The following POLN variants were observed in gnomAD, a reference collection of about 807,000 sequenced individuals.
POLN encodes the protein DNA polymerase N.
Under a neutral mutation model 113.5 loss-of-function variants are expected in POLN, and 108 were observed. That is an observed-to-expected ratio of 0.95 (90% confidence interval 0.81 to 1.12). The LOEUF is 1.12. Ranked by LOEUF, POLN falls within the 50% of genes most tolerant of loss-of-function variation. POLN has a pLI of 0.00. For missense variants in POLN, 1,097 were observed against 1,077.1 expected, an observed-to-expected ratio of 1.02 and a Z score of -0.26; for synonymous variants, 386 against 391.5, an observed-to-expected ratio of 0.99 and a Z score of 0.17.
chr4:2,135,895 G>A (rs1731845714), intron 16 of POLN, among the ~76,000 whole-genome samples: 1 of 152,220 alleles, frequency 6.6e-6, no homozygotes, highest in South Asian at 2.1e-4. Flanking sequence ...ATCACTACCT[G>A]CAGGCATCCT....
At chr4:2,125,123 A>G (rs530540566) in intron 19 of POLN, among the ~76,000 whole-genome samples, 18 of 152,308 alleles carry the variant, frequency 1.2e-4, no homozygotes, top group South Asian at 8.3e-4. Flanking sequence ...ATGCTAGAGT[A>G]AAAATGGAAA....
rs746392530 is a variant in POLN, at chr4:2,085,742, T to A, written c.2068A>T (p.Lys690Ter). Residue 690 changes from lysine (K) to a stop codon, truncating the protein, a stop_gained and splice_region_variant, in exon 21 of 26, where the codon AAG becomes TAG. Coordinates refer to ENST00000511885, the MANE Select transcript of POLN (RefSeq NM_181808.4). LOFTEE classifies it high-confidence loss of function. ...CCAAGGCAAGCAGCCAGCCGCTCCT[T>A]CCCTGTCAGTCAGAGAGACGCATGT... ...VVYAVVYGAG[K>*]ERLAACLGVP... 1 of 1,613,580 alleles carries A rather than the reference T, an allele frequency of 6.2e-7. No homozygotes were observed. Among genetic ancestry groups the A allele is most frequent in the South Asian group, 1.1e-5 (1 of 91,076 alleles).
chr4:2,212,055 A>T (rs968793300), intron 4 of POLN, among the ~76,000 whole-genome samples: 5 of 152,118 alleles, frequency 3.3e-5, no homozygotes, highest in Non-Finnish European at 2.9e-5. Flanking sequence ...CCATCAACCC[A>T]AGAGACAGGT....
At chr4:2,162,270 G>A (rs1388373427) in intron 13 of POLN, among the ~76,000 whole-genome samples, 1 of 152,028 alleles carries the variant, frequency 6.6e-6, no homozygotes, top group Non-Finnish European at 1.5e-5. Flanking sequence ...CCAGCCCACT[G>A]GGAGGAATGA....
chr4:2,200,676 A>C (rs546047732), intron 5 of POLN, among the ~76,000 whole-genome samples: 56 of 152,314 alleles, frequency 3.7e-4, no homozygotes, highest in African/African-American at 1.3e-3. Flanking sequence ...AGAGGACTAC[A>C]TCAAGGGAAC....
At position 2,201,613 on chromosome 4, in the gene POLN, T is replaced by G. The variant is rs541710304; in HGVS notation, c.715-2896A>C. Among the ~76,000 whole-genome samples, 318 of 152,072 alleles carry G rather than the reference T, an allele frequency of 2.1e-3. 2 individuals carry two copies. The highest frequency in any genetic ancestry group is 7.4e-3 in the African/African-American group (308 of 41,478). Reference sequence around the variant, plus strand: ...GAGGAAGAAGAGAAATCTAAAAAATTTGGAAAACATATTTGGGGGAATAAT... The same window carrying G: ...GAGGAAGAAGAGAAATCTAAAAAATGTGGAAAACATATTTGGGGGAATAAT... On this transcript the variant is annotated intron_variant, in intron 5 of 25. Transcript: ENST00000511885.
At chr4:2,095,777 C>T (rs1730774346) in intron 20 of POLN, 74 bp downstream of exon 20, 1 of 1,342,090 alleles carries the variant, frequency 7.5e-7, no homozygotes, top group African/African-American at 1.4e-5. Context: ...GAGGCACAGC[C>T]ACATTTAAAC....
At chr4:2,129,145 A>G in intron 18 of POLN, 34 bp downstream of exon 18, 4 of 1,488,496 alleles carry the variant, frequency 2.7e-6, no homozygotes, top group Non-Finnish European at 3.7e-6. Context: ...TTTGAACCCT[A>G]TGAAAATGCA....
At chr4:2,155,039 G>A (rs983658563) in intron 16 of POLN, among the ~76,000 whole-genome samples, 1 of 152,170 alleles carries the variant, frequency 6.6e-6, no homozygotes, top group Non-Finnish European at 1.5e-5. Context: ...ATAAAACACA[G>A]CAAGAGATTT....
At position 2,171,174 on chromosome 4, in the gene POLN, A is replaced by G. The variant is rs186417505; in HGVS notation, c.1382T>C (p.Leu461Pro). 1.2e-6 allele frequency: 2 copies of G among 1,612,762 alleles called. No individual in the cohort carries two copies. Among genetic ancestry groups the G allele is most frequent in the Non-Finnish European group, 1.7e-6 (2 of 1,179,354 alleles). Residue 461 changes from leucine (L) to proline (P), a missense_variant, in exon 12 of 26, where the codon CTC becomes CCC. Leu to Pro is a moderately conservative substitution (Grantham distance 98). Coordinates refer to ENST00000511885, the MANE Select transcript of POLN (RefSeq NM_181808.4). ...ATGAGCTTCTTGCTCCAATTCCTTG[A>G]GACGAGCCTGAAAATATGATACACA... ...EKTSALLGAR[L>P]KELEQEAHFV...
At chr4:2,229,883 CA>C (rs1734519700) in intron 2 of POLN, 1 of 152,074 alleles carries the variant, frequency 6.6e-6, no homozygotes, top group Admixed American at 6.5e-5. Context: ...CCTAGTAACA[CA>C]ACGATTATAA....
In POLN at chr4:2,157,905, T is replaced by C. The variant is rs767062218; in HGVS notation, c.1618A>G (p.Lys540Glu). 1 of 1,605,376 alleles carries C rather than the reference T, an allele frequency of 6.2e-7. No homozygotes were observed. The highest frequency in any genetic ancestry group is 8.5e-7 in the Non-Finnish European group (1 of 1,173,570). Residue 540 changes from lysine to glutamate, a missense_variant, in exon 15 of 26, where the codon AAG becomes GAG. Coordinates refer to ENST00000511885, the MANE Select transcript of POLN (RefSeq NM_181808.4). ...KIILEYRQVH[K>E]IKSTFVDGLL... is the part of the protein sequence containing the mutation. ...CCATCTACAAAGGTTGACTTGATCT[T>C]GTGAACCTAAGGTGGAAAGACAAGA...
intron 9 of POLN, among the ~76,000 whole-genome samples, chr4:2,175,089 GC>G (rs1440296531): frequency 1.3e-5 from 2 of 152,150 alleles, no homozygotes; most frequent in African/African-American, 4.8e-5. Context: ...CTCCCGAAGT[GC>G]TGGGATTACA....
At chr4:2,227,038 C>T (rs1000152275) in intron 3 of POLN, among the ~76,000 whole-genome samples, 3 of 152,194 alleles carry the variant, frequency 2.0e-5, no homozygotes, top group Non-Finnish European at 2.9e-5. Context: ...ATCCCTGCCT[C>T]TTGGTATCAT....
In POLN at chr4:2,210,627, T is replaced by A. The variant is rs28797811; in HGVS notation, c.214-2140A>T. Among the ~76,000 whole-genome samples, 443 of 110,076 alleles carry A rather than the reference T, an allele frequency of 4.0e-3. 6 individuals carry two copies. The highest frequency in any genetic ancestry group is 0.016 in the African/African-American group (358 of 22,992). 72.2% of individuals were successfully genotyped at this position (110,076 alleles called of 152,430 possible). A position where few individuals can be genotyped will look rare whatever the true frequency, so the allele number is the denominator to read the frequency against. On this transcript the variant is annotated intron_variant, in intron 4 of 25. Coordinates refer to ENST00000511885, the MANE Select transcript of POLN (RefSeq NM_181808.4). ...ATAATAATAATAATAATAATAATAATAATAAAAAAAAGAGGCCGGGCATGG... is the reference window on the plus strand; with the variant it reads ...ATAATAATAATAATAATAATAATAAAAATAAAAAAAAGAGGCCGGGCATGG...
At chr4:2,238,813 T>C (rs1294021278) in intron 2 of POLN, 5 of 1,613,500 alleles carry the variant, frequency 3.1e-6, no homozygotes, top group Non-Finnish European at 4.2e-6. Flanking sequence ...ATGATGCCTT[T>C]TGTTTTATTA....
At chr4:2,193,370 C>A (rs1733499396) in intron 6 of POLN, 54 bp from the exon 7 acceptor site, 1 of 1,255,600 alleles carries the variant, frequency 8.0e-7, no homozygotes, top group Admixed American at 2.3e-5. Flanking sequence ...GATTTTCGAC[C>A]TTGGAAAAAT....
rs573256831 is a variant in POLN at position 2,084,731 on chromosome 4, G to A, written c.2197+882C>T. ...CACACAGACACTGCCGGCACCCAGA[G>A]GAAACAGGCCGCAGCATCTAAGATG... On this transcript the variant is annotated intron_variant, in intron 21 of 25. Coordinates refer to ENST00000511885, the MANE Select transcript of POLN (RefSeq NM_181808.4). 5.9e-5 allele frequency among the ~76,000 whole-genome samples: 9 copies of A among 152,332 alleles called. No individual in the cohort carries two copies. In the East Asian group the frequency reaches 1.5e-3, roughly 26 times the overall value.
rs537868371 is a variant in POLN, at chr4:2,088,593, C to G, written c.2066-2849G>C. 2.2e-5 allele frequency: 13 copies of G among 587,934 alleles called. No individual in the cohort carries two copies. In the East Asian group the frequency reaches 5.0e-4, roughly 22 times the overall value. 36.4% of individuals were successfully genotyped at this position (587,934 alleles called of 1,614,324 possible). A position where few individuals can be genotyped will look rare whatever the true frequency, so the allele number is the denominator to read the frequency against. On this transcript the variant is annotated intron_variant, in intron 20 of 25. Coordinates refer to ENST00000511885, the MANE Select transcript of POLN (RefSeq NM_181808.4). ...GCAAAAATACGCATTAGCTAATCAA[C>G]TGATCTACAACAATTTTCATGAAAA... is the stretch of plus-strand genomic sequence containing the variant.
Sources: allele counts gnomAD v4.1 joint callset (sites outside exome capture counted in the v4.1 genomes callset), GRCh38; gene constraint gnomAD v4.1.1; transcripts MANE v1.5; gene names NCBI Gene and HGNC (gene_info 2026-07-23, HGNC 2026-07-21).